The following ZNF107 variants were observed in gnomAD, a reference collection of about 807,000 sequenced individuals.
ZNF107 encodes the protein C2H2 type zinc-finger protein.
Under a neutral mutation model 12.3 loss-of-function variants are expected in ZNF107, and 19 were observed. The observed-to-expected ratio is 1.55, with a 90% CI of 1.08 to 2.27. The LOEUF (loss-of-function observed/expected upper bound fraction) is 2.27. Ranked by LOEUF, ZNF107 falls within the 30% of genes most tolerant of loss-of-function variation. The pLI, the probability that ZNF107 is intolerant of heterozygous loss-of-function variation, is 0.00. For synonymous variants in ZNF107, 317 were observed against 330.5 expected, an observed-to-expected ratio of 0.96 and a Z score of 0.44; for missense variants, 958 against 979.9, an observed-to-expected ratio of 0.98 and a Z score of 0.30.
rs62461721 is a variant in ZNF107, at chr7:64,666,141, C to T, written c.-142C>T. On this transcript the variant is annotated 5_prime_UTR_variant, in exon 1 of 4. Transcript: ENST00000620827. Reference sequence around the variant, plus strand: ...TTCCGGGATTTGGCGGGGCCTTTGTCTCTGGCTGCAGCCGGAGCTCCTGCT... The same window carrying T: ...TTCCGGGATTTGGCGGGGCCTTTGTTTCTGGCTGCAGCCGGAGCTCCTGCT... 0.014 allele frequency: 16,691 copies of T among 1,176,330 alleles called. 169 individuals are homozygous for T. Among genetic ancestry groups the T allele is most frequent in the Non-Finnish European group, 0.018 (14,822 of 814,318 alleles). The allele number at this position is 1,176,330 out of a possible 1,614,324, so 72.9% of individuals were successfully genotyped here.
rs1440708381 is a variant in ZNF107 at position 64,711,153 on chromosome 7, GT to G, written c.*2498del. 6.6e-6 allele frequency: 1 copy of G among 152,088 alleles called. No individual in the cohort carries two copies. Among genetic ancestry groups the G allele is most frequent in the African/African-American group, 2.4e-5 (1 of 41,422 alleles). 9.4% of individuals were successfully genotyped at this position (152,088 alleles called of 1,614,324 possible). On this transcript the variant is annotated 3_prime_UTR_variant, in exon 4 of 4. Coordinates refer to ENST00000620827, the MANE Select transcript of ZNF107 (RefSeq NM_001282359.2). ...TATCCCACATTACTCAAGGGTTTAG[GT>G]AAAAGAGGGTAACAGTATACTACTT...
rs1009099179 is a variant in ZNF107, at chr7:64,702,860, A to G, written c.227-3464A>G. Among the ~76,000 whole-genome samples the G allele has an allele frequency of 1.6e-4, 24 of 152,136 alleles. 1 individual carries two copies. Among genetic ancestry groups the G allele is most frequent in the African/African-American group, 5.8e-4 (24 of 41,424 alleles). ...AGGCGTGAGCCACCGCACCCAGCCT[A>G]CCTCTTTTTTTGGGAAGTCTTTATT... On this transcript the variant is annotated intron_variant, in intron 3 of 3. Coordinates refer to ENST00000620827, the MANE Select transcript of ZNF107 (RefSeq NM_001282359.2).
intron 1 of ZNF107, among the ~76,000 whole-genome samples, chr7:64,673,231 A>G (rs1789300591): frequency 6.6e-6 from 1 of 152,112 alleles, no homozygotes; most frequent in Non-Finnish European, 1.5e-5. Flanking sequence ...TTTAGTAGAG[A>G]TGGGGTTTCA....
At chr7:64,688,358 A>G (rs1351101234) in intron 1 of ZNF107, among the ~76,000 whole-genome samples, 1 of 151,300 alleles carries the variant, frequency 6.6e-6, no homozygotes, top group African/African-American at 2.4e-5. Flanking sequence ...CTGGGTTCAA[A>G]TGATTCTTCT....
intron 1 of ZNF107, chr7:64,686,444 C>T (rs1003943420): frequency 2.2e-6 from 2 of 902,080 alleles, no homozygotes; most frequent in East Asian, 2.4e-4. Flanking sequence ...ATGTCACCCC[C>T]ACCCCAAGAT....
Position 64,708,109 on chromosome 7 carries a change from A to G in ZNF107, c.2012A>G (p.Tyr671Cys). 6.2e-7 allele frequency: 1 copy of G among 1,612,954 alleles called. No individual in the cohort carries two copies. Among genetic ancestry groups the G allele is most frequent in the South Asian group, 1.1e-5 (1 of 90,812 alleles). Residue 671 changes from tyrosine (Y) to cysteine (C), a missense_variant, in exon 4 of 4, where the codon TAT (tyrosine) becomes TGT (cysteine). Physicochemically the swap from Tyr to Cys is radical, Grantham distance 194. Coordinates refer to ENST00000620827, the MANE Select transcript of ZNF107 (RefSeq NM_001282359.2). ...FSNITNHKII[Y>C]TGEKPHKCEE... ...AACATTACTAACCATAAGATAATTT[A>G]TACTGGAGAGAAACCCCACAAATGT...
chr7:64,707,234 C>A lies in ZNF107; in HGVS notation c.1137C>A (p.Asn379Lys), dbSNP rs1415568799. ...NKCEECDKAFNRSLKLTAHKK... is the reference protein window; with the variant it reads ...NKCEECDKAFKRSLKLTAHKK... ...GTGAAGAATGTGACAAAGCTTTTAA[C>A]CGATCCTTAAAACTTACTGCACATA... The change falls in exon 4 of 4, where the codon AAC becomes AAA. Residue 379 changes from asparagine to lysine, a missense_variant. Asn to Lys is a moderately conservative substitution (Grantham distance 94). Transcript: ENST00000620827. 6.2e-7 allele frequency: 1 copy of A among 1,613,016 alleles called. No homozygotes were observed. Among genetic ancestry groups the A allele is most frequent in the Non-Finnish European group, 8.5e-7 (1 of 1,179,610 alleles).
rs777340676 is a variant in ZNF107 at position 64,708,579 on chromosome 7, C to T, written c.2482C>T (p.Leu828=). The T allele has an allele frequency of 2.0e-5, 33 of 1,612,098 alleles. No individual in the cohort carries two copies. In the African/African-American group the frequency reaches 3.7e-4, roughly 18 times the overall value. Residue 828 remains leucine, a synonymous_variant, in exon 4 of 4, where the codon CTA becomes TTA. Transcript: ENST00000620827. ...TGGAGATTATGGCAGAGCTTTCAAC[C>T]TATCCTCAAATCTTACTACACATAA... is the stretch of plus-strand genomic sequence containing the variant. ...KCGDYGRAFN[L]SSNLTTHKKI... is the part of the protein sequence containing the mutation.
chr7:64,669,903 T>C (rs930664672), intron 1 of ZNF107, among the ~76,000 whole-genome samples: 1 of 152,250 alleles, frequency 6.6e-6, no homozygotes, highest in Non-Finnish European at 1.5e-5. Context: ...AATTAAAGCT[T>C]ATGCCCAGTG....
At chr7:64,690,372 T>C (rs1179454247) in intron 1 of ZNF107, 4 of 985,292 alleles carry the variant, frequency 4.1e-6, no homozygotes, top group Non-Finnish European at 4.8e-6. Flanking sequence ...TCTGTTCAGA[T>C]TCACCCTTTT....
At chr7:64,690,564 T>C (rs1790081925) in intron 1 of ZNF107, 2 of 976,802 alleles carry the variant, frequency 2.0e-6, no homozygotes, top group Admixed American at 6.2e-5. Flanking sequence ...AATTTTTTAT[T>C]AAAACCAGTA....
At chr7:64,667,254 C>G (rs941427978) in intron 1 of ZNF107, among the ~76,000 whole-genome samples, 1 of 152,184 alleles carries the variant, frequency 6.6e-6, no homozygotes, top group African/African-American at 2.4e-5. Context: ...CCCAGCTTCC[C>G]CTCCCTAATT....
rs754990252 is a variant in ZNF107, at chr7:64,706,522, G to GTAGCTACCC, written c.425_426insTAGCTACCC (p.Ser142_Lys143insSerTyrPro). The GTAGCTACCC allele has an allele frequency of 6.2e-7, 1 of 1,610,094 alleles. No homozygotes were observed. The highest frequency in any genetic ancestry group is 8.5e-7 in the Non-Finnish European group (1 of 1,178,052). On this transcript the variant is annotated inframe_insertion, in exon 4 of 4. Coordinates refer to ENST00000620827, the MANE Select transcript of ZNF107 (RefSeq NM_001282359.2). The stretch of plus-strand genomic sequence containing the variant: ...AACCAATGTTTGACAGCTACCCCAA[G>GTAGCTACCC]CAAAATATTCCAGTGTAATAAATAT...
chr7:64,678,026 G>A (rs1175188283), intron 1 of ZNF107, among the ~76,000 whole-genome samples: 1 of 152,032 alleles, frequency 6.6e-6, no homozygotes, highest in Non-Finnish European at 1.5e-5. Flanking sequence ...ATTATACATA[G>A]ATTTTTGTCT....
intron 1 of ZNF107, among the ~76,000 whole-genome samples, chr7:64,685,017 C>A (rs1789845513): frequency 6.6e-6 from 1 of 152,160 alleles, no homozygotes; most frequent in East Asian, 1.9e-4. Context: ...GCTTAACCTA[C>A]CACCCTCGTA....
intron 1 of ZNF107, among the ~76,000 whole-genome samples, chr7:64,674,425 A>C (rs1021294368): frequency 1.3e-5 from 2 of 152,168 alleles, no homozygotes; most frequent in African/African-American, 4.8e-5. Context: ...TTGTTGATGT[A>C]GAGGGATGCT....
chr7:64,685,840 G>A (rs1789885249), intron 1 of ZNF107, among the ~76,000 whole-genome samples: 1 of 152,076 alleles, frequency 6.6e-6, no homozygotes, highest in Non-Finnish European at 1.5e-5. Flanking sequence ...AATTGACATT[G>A]CCCCTGGAAA....
rs1790677368 is a variant in ZNF107, at chr7:64,707,030, C to A, written c.933C>A (p.Asn311Lys). ...TTQKILHTGENLYKCKECGKA... is the reference protein window; with the variant it reads ...TTQKILHTGEKLYKCKECGKA... ...AAAAGATACTTCACACTGGAGAGAACCTCTACAAGTGTAAAGAATGTGGAA... is the reference window on the plus strand; with the variant it reads ...AAAAGATACTTCACACTGGAGAGAAACTCTACAAGTGTAAAGAATGTGGAA... The change falls in exon 4 of 4, where the codon AAC (asparagine) becomes AAA (lysine). Residue 311 changes from asparagine to lysine, a missense_variant. By Grantham distance (94) the Asn-to-Lys change is moderately conservative. Coordinates refer to ENST00000620827, the MANE Select transcript of ZNF107 (RefSeq NM_001282359.2). The A allele has an allele frequency of 6.8e-6, 11 of 1,612,442 alleles. No homozygotes were observed. Among genetic ancestry groups the A allele is most frequent in the Non-Finnish European group, 9.3e-6 (11 of 1,179,530 alleles).
intron 1 of ZNF107, among the ~76,000 whole-genome samples, chr7:64,674,549 G>C (rs1393320965): frequency 6.6e-6 from 1 of 152,156 alleles, no homozygotes; most frequent in Non-Finnish European, 1.5e-5. Context: ...TCTGCAAACA[G>C]GGATAGTTTG....
Sources: gnomAD v4.1 joint callset for allele counts (sites outside exome capture counted in the v4.1 genomes callset) on GRCh38, gnomAD v4.1.1 for gene constraint, MANE v1.5 for transcripts, NCBI Gene and HGNC (gene_info 2026-07-23, HGNC 2026-07-21) for gene names.